The following GRM5 variants were observed in gnomAD, a reference collection of about 807,000 sequenced individuals.
GRM5 encodes the protein glutamate metabotropic receptor 5.
A neutral mutation model predicts 83.1 loss-of-function variants in GRM5; 19 were observed. The ratio of observed to expected loss-of-function variants is 0.23; its 90% CI spans 0.16 to 0.34. The LOEUF (loss-of-function observed/expected upper bound fraction) is 0.34. Among genes scored for constraint, GRM5 ranks in the 10% least tolerant of loss-of-function variants. The probability of loss-of-function intolerance (pLI) is 1.00; values close to 1 mark genes in which losing one functional copy is unlikely to be tolerated. For missense variants in GRM5, 1,160 were observed against 1,588.3 expected, an observed-to-expected ratio of 0.73 and a Z score of 4.58; for synonymous variants, 675 against 633.6, an observed-to-expected ratio of 1.07 and a Z score of -0.98.
chr11:88,530,326 C>A (rs1048758084), intron 8 of GRM5, among the ~76,000 whole-genome samples: 2 of 151,974 alleles, frequency 1.3e-5, no homozygotes, highest in Admixed American at 1.3e-4. Context: ...CCTAATACAG[C>A]TTTGACACTT....
intron 2 of GRM5, among the ~76,000 whole-genome samples, chr11:88,988,886 G>C (rs889276548): frequency 6.8e-6 from 1 of 146,882 alleles, no homozygotes; most frequent in Admixed American, 6.8e-5. Flanking sequence ...GGAACAACCG[G>C]TACCAGCCGC....
intron 2 of GRM5, among the ~76,000 whole-genome samples, chr11:88,995,694 T>C (rs186786946): frequency 7.4e-4 from 112 of 152,192 alleles, no homozygotes; most frequent in Middle Eastern, 3.4e-3. Context: ...CTGCAATCTG[T>C]AGGATGTAAA....
Position 88,757,443 on chromosome 11 carries a change from C to A in GRM5, c.911+92463G>T, listed in dbSNP as rs536148195. 2.3e-3 allele frequency among the ~76,000 whole-genome samples: 345 copies of A among 152,268 alleles called. 1 individual carries two copies. Among genetic ancestry groups the A allele is most frequent in the African/African-American group, 8.0e-3 (331 of 41,554 alleles). On this transcript the variant is annotated intron_variant, in intron 3 of 9. Coordinates refer to ENST00000305447, the MANE Select transcript of GRM5 (RefSeq NM_001143831.3). Reference sequence around the variant, plus strand: ...TGAACACAGAGCCTGCCAGCCTCACCCCCACCAATGCTGTGCTCCTGCAAC... The same window carrying A: ...TGAACACAGAGCCTGCCAGCCTCACACCCACCAATGCTGTGCTCCTGCAAC...
chr11:88,879,669 C>T (rs1230153265), intron 2 of GRM5, among the ~76,000 whole-genome samples: 4 of 151,776 alleles, frequency 2.6e-5, no homozygotes, highest in Admixed American at 2.0e-4. Flanking sequence ...GCATATTTTT[C>T]CTTGATTAAT....
chr11:88,695,869 G>A (rs184531016), intron 3 of GRM5, among the ~76,000 whole-genome samples: 48 of 152,262 alleles, frequency 3.2e-4, no homozygotes, highest in African/African-American at 1.1e-3. Flanking sequence ...CCACCCCATC[G>A]GCGTTGTCCA....
chr11:88,847,464 T>G lies in GRM5; in HGVS notation c.911+2442A>C, dbSNP rs200968370. Among the ~76,000 whole-genome samples, 4 of 152,336 alleles carry G rather than the reference T, an allele frequency of 2.6e-5. No individual in the cohort carries two copies. In the East Asian group the frequency reaches 7.7e-4, roughly 29 times the overall value. ...TAAATGGTTCTGATAAGTGGTTTTA[T>G]TAACACCCACAGTGCCATCTCACTA... On this transcript the variant is annotated intron_variant, in intron 3 of 9. Transcript: ENST00000305447.
intron 2 of GRM5, among the ~76,000 whole-genome samples, chr11:88,986,239 A>C (rs966566462): frequency 2.6e-5 from 4 of 152,176 alleles, no homozygotes; most frequent in Admixed American, 6.5e-5. Flanking sequence ...TAAGTGAAAA[A>C]GCCAAAGGTC....
intron 2 of GRM5, among the ~76,000 whole-genome samples, chr11:88,948,860 G>C (rs918858492): frequency 2.0e-5 from 3 of 152,160 alleles, no homozygotes; most frequent in African/African-American, 7.2e-5. Flanking sequence ...TAAGGAAGAA[G>C]AGCAATTAAA....
intron 2 of GRM5, among the ~76,000 whole-genome samples, chr11:88,909,374 A>G (rs1165518530): frequency 1.3e-5 from 2 of 148,572 alleles, no homozygotes; most frequent in Non-Finnish European, 3.0e-5. Context: ...GTGTCTCCAG[A>G]CTCGTTCATA....
chr11:88,823,389 C>T (rs1259005928), intron 3 of GRM5, among the ~76,000 whole-genome samples: 1 of 151,886 alleles, frequency 6.6e-6, no homozygotes, highest in Admixed American at 6.6e-5. Flanking sequence ...CTTTAACTTT[C>T]CACCTCCCTG....
At chr11:89,057,758 T>C (rs1232028772) in intron 1 of GRM5, among the ~76,000 whole-genome samples, 3 of 152,188 alleles carry the variant, frequency 2.0e-5, no homozygotes, top group South Asian at 2.1e-4. Flanking sequence ...TATTTATATA[T>C]TACATTACAT....
chr11:88,641,545 C>A (rs1403710697), intron 4 of GRM5, among the ~76,000 whole-genome samples: 1 of 152,130 alleles, frequency 6.6e-6, no homozygotes, highest in Non-Finnish European at 1.5e-5. Flanking sequence ...GTCACTTACA[C>A]CTATGAACCT....
chr11:88,668,297 G>GCACACACA (rs72052705), intron 3 of GRM5, among the ~76,000 whole-genome samples: 1,830 of 130,070 alleles, frequency 0.014, 52 homozygotes, highest in African/African-American at 0.042. Flanking sequence ...CCAGAAACTC[G>GCACACACA]CACACACACA....
At chr11:88,681,021 A>G (rs996631350) in intron 3 of GRM5, among the ~76,000 whole-genome samples, 5 of 152,142 alleles carry the variant, frequency 3.3e-5, no homozygotes, top group East Asian at 1.9e-4. Flanking sequence ...GACTCATTCT[A>G]TGTCTCAGAG....
At chr11:89,063,065 G>T (rs1259671309) in intron 1 of GRM5, among the ~76,000 whole-genome samples, 2 of 152,240 alleles carry the variant, frequency 1.3e-5, no homozygotes, top group South Asian at 4.1e-4. Flanking sequence ...CAGGCGCCAC[G>T]AAGCGGCCCC....
At position 88,567,379 on chromosome 11, in the gene GRM5, G is replaced by A; in HGVS notation, c.2304C>T (p.Phe768=). ...TGAAGGCGATATACTTGGCCTCGTT[G>A]AAGTTAGCTGGAACATTTCTGGTCT... The part of the protein sequence containing the change: ...AFKTRNVPAN[F]NEAKYIAFTM... Residue 768 remains phenylalanine (F), a synonymous_variant, in exon 8 of 10, where the codon TTC becomes TTT. Coordinates refer to ENST00000305447, the MANE Select transcript of GRM5 (RefSeq NM_001143831.3). This position sits in a 1 kb window ranked among gnomAD's most constrained non-coding sequence, Gnocchi z 7.3. 6.2e-7 allele frequency: 1 copy of A among 1,614,066 alleles called. No homozygotes were observed. The highest frequency in any genetic ancestry group is 8.5e-7 in the Non-Finnish European group (1 of 1,179,914).
intron 3 of GRM5, among the ~76,000 whole-genome samples, chr11:88,720,805 T>TGTGTGTGTGTGTGC (rs1565200700): frequency 9.2e-5 from 12 of 131,072 alleles, no homozygotes; most frequent in South Asian, 4.4e-4. Flanking sequence ...TCTGTGTGTG[T>TGTGTGTGTGTGTGC]GTGTGTGTGT....
intron 3 of GRM5, among the ~76,000 whole-genome samples, chr11:88,778,601 T>A (rs756633968): frequency 3.3e-5 from 5 of 152,190 alleles, no homozygotes; most frequent in Non-Finnish European, 7.3e-5. Flanking sequence ...CCACTGCTCT[T>A]CATTTTTATG....
chr11:88,798,843 A>AAC (rs1565236243), intron 3 of GRM5, among the ~76,000 whole-genome samples: 6 of 147,284 alleles, frequency 4.1e-5, no homozygotes, highest in Admixed American at 2.1e-4. Context: ...ACAACAACAA[A>AAC]AAAAAACTGC....
Sources: allele counts gnomAD v4.1 joint callset (sites outside exome capture counted in the v4.1 genomes callset), GRCh38; gene constraint gnomAD v4.1.1; non-coding constraint Gnocchi (gnomAD v3.1); transcripts MANE v1.5; gene names NCBI Gene and HGNC (gene_info 2026-07-23, HGNC 2026-07-21).